SLC2A9: variants seen among roughly 807,000 people sequenced by gnomAD.
The protein encoded by SLC2A9 is solute carrier family 2 member 9.
In SLC2A9, 39 loss-of-function variants were observed where a neutral mutation model predicts 50.6. The ratio of observed to expected loss-of-function variants is 0.77; its 90% confidence interval spans 0.60 to 1.01. SLC2A9 has a LOEUF of 1.01. SLC2A9 is among the 50% of genes least tolerant of loss of function. The pLI, the probability that SLC2A9 is intolerant of heterozygous loss-of-function variation, is 0.00. For missense variants in SLC2A9, 686 were observed against 677.6 expected, an observed-to-expected ratio of 1.01 and a Z score of -0.14; for synonymous variants, 324 against 276.9, an observed-to-expected ratio of 1.17 and a Z score of -1.69.
At chr4:9,831,936 T>A (rs886793578) in intron 11 of SLC2A9, among the ~76,000 whole-genome samples, 1 of 152,162 alleles carries the variant, frequency 6.6e-6, no homozygotes, top group African/African-American at 2.4e-5. Flanking sequence ...TAACAATTGG[T>A]GTAGTTGTGA....
chr4:10,002,725 C>G (rs772519286), intron 2 of SLC2A9, among the ~76,000 whole-genome samples: 3 of 152,174 alleles, frequency 2.0e-5, no homozygotes, highest in Non-Finnish European at 4.4e-5. Context: ...TGGTGGTGCA[C>G]GCCTCTAGTC....
intron 5 of SLC2A9, among the ~76,000 whole-genome samples, chr4:9,972,733 A>G (rs1052869622): frequency 5.3e-5 from 8 of 152,224 alleles, no homozygotes; most frequent in African/African-American, 1.9e-4. Context: ...GAGATCACAA[A>G]TTATTTGAAA....
chr4:9,986,275 C>T (rs999219887), intron 3 of SLC2A9, among the ~76,000 whole-genome samples: 4 of 152,120 alleles, frequency 2.6e-5, no homozygotes, highest in Admixed American at 6.5e-5. Flanking sequence ...AGGAGGGCCC[C>T]GAAGACCTTT....
downstream of SLC2A9, among the ~76,000 whole-genome samples, chr4:9,823,184 G>T (rs1377519497): frequency 6.6e-6 from 1 of 152,134 alleles, no homozygotes; most frequent in Non-Finnish European, 1.5e-5. Flanking sequence ...AAACCTCCAT[G>T]GCTTGGAGGT....
At chr4:9,983,920 T>C (rs1756293697) in intron 4 of SLC2A9, among the ~76,000 whole-genome samples, 3 of 152,142 alleles carry the variant, frequency 2.0e-5, no homozygotes, top group Admixed American at 6.6e-5. Flanking sequence ...TTAACCACTT[T>C]CCTGCTCCAG....
At chr4:9,936,084 C>T (rs1033430417) in intron 6 of SLC2A9, among the ~76,000 whole-genome samples, 4 of 152,218 alleles carry the variant, frequency 2.6e-5, no homozygotes, top group African/African-American at 9.6e-5. Context: ...GCCCTTCTGC[C>T]AAAATACCAT....
chr4:10,002,794 A>G (rs575179034), intron 2 of SLC2A9, among the ~76,000 whole-genome samples: 6 of 152,316 alleles, frequency 3.9e-5, no homozygotes, highest in Non-Finnish European at 8.8e-5. Context: ...CAGAGGTTGC[A>G]GGGAGCCAAG....
intron 5 of SLC2A9, among the ~76,000 whole-genome samples, chr4:9,956,479 CAAAAAACA>C (rs1258238446): frequency 1.2e-3 from 189 of 151,530 alleles, no homozygotes; most frequent in African/African-American, 3.8e-3. Context: ...GACTCCATCT[CAAAAAACA>C]AAAAAACAAA....
At chr4:9,890,050 C>G (rs1019001820) in intron 9 of SLC2A9, among the ~76,000 whole-genome samples, 2 of 152,194 alleles carry the variant, frequency 1.3e-5, no homozygotes, top group Admixed American at 6.5e-5. Context: ...AGTGCATTTT[C>G]TCATTTCATC....
intron 3 of SLC2A9, among the ~76,000 whole-genome samples, chr4:9,819,877 T>C (rs1724166436): frequency 6.6e-6 from 1 of 152,054 alleles, no homozygotes; most frequent in Admixed American, 6.6e-5. Context: ...GAAGTTGTGG[T>C]GAGCCGAGAT....
chr4:9,783,628 A>C (rs1718830028), intron 3 of SLC2A9: 1 of 691,770 alleles, frequency 1.4e-6, no homozygotes, highest in Admixed American at 3.1e-5. Context: ...GGTAGTTCGA[A>C]GAATTGGCAG....
rs1363950497 is a variant in SLC2A9 at position 9,793,089 on chromosome 4, T to A, written n.386-13024A>T. On this transcript the variant is annotated intron_variant and non_coding_transcript_variant, in intron 3 of 3. Transcript: ENST00000503803. ...GGGTTTCTCCATGTTGGTCATTTTT[T>A]AATGAAAGACCCTTTGAGACAGTTC... Among the ~76,000 whole-genome samples, 4 of 152,294 alleles carry A rather than the reference T, an allele frequency of 2.6e-5. No individual in the cohort carries two copies. The South Asian group carries it at 8.3e-4, about 32-fold the overall frequency.
intron 10 of SLC2A9, among the ~76,000 whole-genome samples, chr4:9,873,145 C>G (rs1218379943): frequency 1.3e-5 from 2 of 152,112 alleles, no homozygotes; most frequent in African/African-American, 4.8e-5. Context: ...CAGTGGGGAC[C>G]CTGACCCATG....
chr4:9,826,484 C>T lies in SLC2A9; in HGVS notation c.1536G>A (p.Gln512=). The change falls in exon 12 of 12, where the codon CAG becomes CAA. Residue 512 remains glutamine (Q), a synonymous_variant. Coordinates refer to ENST00000264784, the MANE Select transcript of SLC2A9 (RefSeq NM_020041.3). ...ATGCTTTGTTCCTTTTGGAAAATGC[C>T]TGGCTGATTTCTGCATAGGTTCTGT... is the stretch of plus-strand genomic sequence containing the variant. The part of the protein sequence containing the change: ...TKNRTYAEIS[Q]AFSKRNKAYP... The T allele has an allele frequency of 6.2e-7, 1 of 1,614,036 alleles. No homozygotes were observed. The highest frequency in any genetic ancestry group is 8.5e-7 in the Non-Finnish European group (1 of 1,179,968).
intron 10 of SLC2A9, among the ~76,000 whole-genome samples, chr4:9,866,196 G>A (rs1732435898): frequency 1.3e-5 from 2 of 151,898 alleles, no homozygotes; most frequent in African/African-American, 4.8e-5. Flanking sequence ...GAACATGGAT[G>A]CTAATTACTA....
At chr4:9,809,537 C>T (rs1415235535) in intron 3 of SLC2A9, among the ~76,000 whole-genome samples, 3 of 152,172 alleles carry the variant, frequency 2.0e-5, no homozygotes, top group African/African-American at 7.2e-5. Context: ...CGTGGAAAGG[C>T]TGGAGAGAAG....
downstream of SLC2A9, among the ~76,000 whole-genome samples, chr4:9,822,066 G>A (rs1340784607): frequency 6.6e-6 from 1 of 152,182 alleles, no homozygotes; most frequent in Non-Finnish European, 1.5e-5. Flanking sequence ...AGGGTCTGTA[G>A]GGATATTGCC....
intron 11 of SLC2A9, 117 bp downstream of exon 11, chr4:9,834,764 A>C: frequency 6.7e-7 from 1 of 1,502,092 alleles, no homozygotes; most frequent in South Asian, 1.2e-5. Context: ...TCCTTAGGAA[A>C]ATAGCATGAG....
At chr4:9,904,258 C>T (rs958625040) in intron 8 of SLC2A9, among the ~76,000 whole-genome samples, 13 of 152,188 alleles carry the variant, frequency 8.5e-5, no homozygotes, top group African/African-American at 3.1e-4. Flanking sequence ...AGTGCAAACA[C>T]GATGGTGTCT....
Sources: gnomAD v4.1 joint callset for allele counts (sites outside exome capture counted in the v4.1 genomes callset) on GRCh38, gnomAD v4.1.1 for gene constraint, MANE v1.5 for transcripts, NCBI Gene and HGNC (gene_info 2026-07-23, HGNC 2026-07-21) for gene names.